RBM47: variants seen among roughly 807,000 people sequenced by gnomAD.
RBM47 encodes RNA-binding protein 47.
A neutral mutation model predicts 47.1 loss-of-function variants in RBM47; 21 were observed. That is an observed-to-expected ratio of 0.45 (90% CI 0.32 to 0.64). RBM47 has a LOEUF of 0.64. RBM47 is among the 30% of genes least tolerant of loss of function. The pLI, the probability that RBM47 is intolerant of heterozygous loss-of-function variation, is 0.05. For missense variants in RBM47, 708 were observed against 870.9 expected, an observed-to-expected ratio of 0.81 and a Z score of 2.35; for synonymous variants, 375 against 361.7, an observed-to-expected ratio of 1.04 and a Z score of -0.42.
chr4:40,500,427 A>G (rs1432636365), intron 2 of RBM47, among the ~76,000 whole-genome samples: 1 of 151,950 alleles, frequency 6.6e-6, no homozygotes, highest in Non-Finnish European at 1.5e-5. Flanking sequence ...CCTGGGCAAC[A>G]AGGTGAAACC....
At chr4:40,555,256 C>T (rs750517296) in intron 1 of RBM47, among the ~76,000 whole-genome samples, 3 of 152,116 alleles carry the variant, frequency 2.0e-5, no homozygotes, top group Admixed American at 6.6e-5. Flanking sequence ...TTAATAGAGA[C>T]GGGATTTTGC....
At chr4:40,518,170 T>C (rs980400207) in intron 2 of RBM47, among the ~76,000 whole-genome samples, 8 of 127,810 alleles carry the variant, frequency 6.3e-5, no homozygotes, top group African/African-American at 1.5e-4. Flanking sequence ...TTTTTTTTTT[T>C]TTTTTTTTTT....
In RBM47 at chr4:40,423,681, TTTC is replaced by T. The variant is rs1560337083; in HGVS notation, c.*2220_*2222del. 0.029 allele frequency: 3,183 copies of T among 110,494 alleles called. 140 individuals carry two copies. The highest frequency in any genetic ancestry group is 0.12 in the African/African-American group (2,968 of 24,882). The allele number at this position is 110,494 out of a possible 1,614,324, so 6.8% of individuals were successfully genotyped here. On this transcript the variant is annotated 3_prime_UTR_variant, in exon 7 of 7. Coordinates refer to ENST00000295971, the MANE Select transcript of RBM47 (RefSeq NM_001098634.2). ...CTTTCTTTCTTTCTTTCTTTCTTTC[TTTC>T]TTTCTTTCTTTCTTTCTTTCTTTCT...
intron 1 of RBM47, among the ~76,000 whole-genome samples, chr4:40,598,780 T>C (rs1427492713): frequency 1.3e-5 from 2 of 151,178 alleles, no homozygotes; most frequent in East Asian, 1.9e-4. Flanking sequence ...ATAGTGTCCA[T>C]CTGTCCTCTG....
At chr4:40,519,966 C>A (rs913208918) in intron 2 of RBM47, among the ~76,000 whole-genome samples, 1 of 151,766 alleles carries the variant, frequency 6.6e-6, no homozygotes, top group Non-Finnish European at 1.5e-5. Flanking sequence ...CCGTGCCCAG[C>A]CCACCCTACC....
intron 1 of RBM47, among the ~76,000 whole-genome samples, chr4:40,600,087 G>A (rs4280773): frequency 0.071 from 10,852 of 151,880 alleles, 1,175 homozygotes; most frequent in African/African-American, 0.23. Context: ...AGCTCACTGC[G>A]GCCTTGACCT....
chr4:40,491,022 T>C (rs537575434), intron 2 of RBM47, among the ~76,000 whole-genome samples: 10 of 152,100 alleles, frequency 6.6e-5, no homozygotes, highest in Non-Finnish European at 1.5e-4. Context: ...CAAAATTTAC[T>C]ACAAAGCTAC....
At chr4:40,584,787 AC>A (rs1578013802) in intron 1 of RBM47, among the ~76,000 whole-genome samples, 2 of 152,294 alleles carry the variant, frequency 1.3e-5, no homozygotes, top group East Asian at 3.9e-4. Flanking sequence ...AAAAGATTCA[AC>A]TCAGTTGCGC....
intron 1 of RBM47, among the ~76,000 whole-genome samples, chr4:40,576,878 T>G (rs992929238): frequency 1.3e-5 from 2 of 152,204 alleles, no homozygotes; most frequent in African/African-American, 4.8e-5. Flanking sequence ...ATGATACCCA[T>G]TTTATAGATG....
chr4:40,505,502 A>G (rs1345768074), intron 2 of RBM47, among the ~76,000 whole-genome samples: 4 of 151,868 alleles, frequency 2.6e-5, no homozygotes, highest in Admixed American at 6.6e-5. Flanking sequence ...TGTAAAAAAA[A>G]AAAAGATGCT....
At position 40,424,360 on chromosome 4, in the gene RBM47, C is replaced by T. The variant is rs1275342603; in HGVS notation, c.*1544G>A. The T allele has an allele frequency of 1.3e-5, 2 of 152,520 alleles. No individual in the cohort carries two copies. The highest frequency in any genetic ancestry group is 2.4e-5 in the African/African-American group (1 of 41,424). The allele number at this position is 152,520 out of a possible 1,614,324, so 9.4% of individuals were successfully genotyped here. A position where few individuals can be genotyped will look rare whatever the true frequency, so the allele number is the denominator to read the frequency against. Reference sequence around the variant, plus strand: ...ATATTTTTTTTTAAAAAGTAGATGACAATCTTAACATTTTACTGTATTTTA... The same window carrying T: ...ATATTTTTTTTTAAAAAGTAGATGATAATCTTAACATTTTACTGTATTTTA... On this transcript the variant is annotated 3_prime_UTR_variant, in exon 7 of 7. Coordinates refer to ENST00000295971, the MANE Select transcript of RBM47 (RefSeq NM_001098634.2).
rs117744381 is a variant in RBM47, at chr4:40,588,503, A to G, written c.-240+40893T>C. Among the ~76,000 whole-genome samples, 22 of 152,326 alleles carry G rather than the reference A, an allele frequency of 1.4e-4. No individual in the cohort carries two copies. The East Asian group carries it at 3.9e-3, about 27-fold the overall frequency. ...GAGCAAGCTATGTTACTCTCTTGAA[A>G]ACACGAAATTATGGACAGCATAAAA... On this transcript the variant is annotated intron_variant, in intron 1 of 6. Coordinates refer to ENST00000295971, the MANE Select transcript of RBM47 (RefSeq NM_001098634.2).
intron 2 of RBM47, among the ~76,000 whole-genome samples, chr4:40,524,283 A>C (rs1169282231): frequency 6.6e-6 from 1 of 152,224 alleles, no homozygotes; most frequent in East Asian, 1.9e-4. Flanking sequence ...ACAAATGAGG[A>C]AACGGAAACC....
intron 2 of RBM47, among the ~76,000 whole-genome samples, chr4:40,489,915 A>G (rs1008861890): frequency 6.6e-6 from 1 of 152,228 alleles, no homozygotes; most frequent in African/African-American, 2.4e-5. Context: ...ACAACTAAAT[A>G]CTAATAAACT....
At position 40,437,090 on chromosome 4, in the gene RBM47, A is replaced by AAAAAAAAAAAAAAAAATAT. The variant is rs1256296949; in HGVS notation, c.1124-444_1124-443insATATTTTTTTTTTTTTTTT. Among the ~76,000 whole-genome samples, 3 of 49,848 alleles carry AAAAAAAAAAAAAAAAATAT rather than the reference A, an allele frequency of 6.0e-5. 1 individual carries two copies. Among genetic ancestry groups the AAAAAAAAAAAAAAAAATAT allele is most frequent in the Non-Finnish European group, 3.3e-5 (1 of 30,212 alleles). 32.7% of individuals were successfully genotyped at this position (49,848 alleles called of 152,430 possible). A position where few individuals can be genotyped will look rare whatever the true frequency, so the allele number is the denominator to read the frequency against. On this transcript the variant is annotated intron_variant, in intron 4 of 6. Transcript: ENST00000295971. Reference sequence around the variant, plus strand: ...CCCTGTCTCAAAAAAAAAAAAAAAAAATATATATATATATATATATAAAAT... The same window carrying AAAAAAAAAAAAAAAAATAT: ...CCCTGTCTCAAAAAAAAAAAAAAAAAAAAAAAAAAAAAAAAATATATATATATATATATATATATAAAAT...
chr4:40,526,530 A>G (rs967844681), intron 2 of RBM47, among the ~76,000 whole-genome samples: 1 of 151,970 alleles, frequency 6.6e-6, no homozygotes, highest in Non-Finnish European at 1.5e-5. Context: ...TTTCTGTTAC[A>G]TATTATTCTT....
intron 1 of RBM47, among the ~76,000 whole-genome samples, chr4:40,579,423 G>GGAAAAAA (rs1553904315): frequency 9.8e-6 from 1 of 102,010 alleles, no homozygotes; most frequent in Non-Finnish European, 1.8e-5. Context: ...CCCTGTCTCA[G>GGAAAAAA]AAAAAAAAAA....
At chr4:40,627,472 G>A (rs1227083135) in intron 1 of RBM47, among the ~76,000 whole-genome samples, 1 of 152,170 alleles carries the variant, frequency 6.6e-6, no homozygotes, top group Non-Finnish European at 1.5e-5. Flanking sequence ...AGAGACTTAA[G>A]ATGTGGAGGC....
At chr4:40,624,858 T>C (rs1382328768) in intron 1 of RBM47, among the ~76,000 whole-genome samples, 2 of 144,054 alleles carry the variant, frequency 1.4e-5, no homozygotes, top group Non-Finnish European at 3.0e-5. Flanking sequence ...TCTTTTCTTT[T>C]TCTTTTTTTT....
Sources: allele counts gnomAD v4.1 joint callset (sites outside exome capture counted in the v4.1 genomes callset), GRCh38; gene constraint gnomAD v4.1.1; transcripts MANE v1.5; gene names NCBI Gene and HGNC (gene_info 2026-07-23, HGNC 2026-07-21).